Variants in PAPSS2 observed in about 807,000 individuals in gnomAD.
PAPSS2 encodes the protein 3'-phosphoadenosine 5'-phosphosulfate synthase 2.
In PAPSS2, 61 loss-of-function variants were observed where a neutral mutation model predicts 66.5. The ratio of observed to expected loss-of-function variants is 0.92; its 90% confidence interval spans 0.75 to 1.14. The LOEUF is 1.14. Among genes scored for constraint, PAPSS2 ranks in the 50% most tolerant of loss-of-function variants. The probability of loss-of-function intolerance (pLI) is 0.00; values close to 1 mark genes in which losing one functional copy is unlikely to be tolerated. For synonymous variants in PAPSS2, 289 were observed against 287.5 expected (o/e 1.01, Z -0.05); for missense variants, 708 against 789.6 (o/e 0.90, Z 1.24).
rs556603681 is a variant in PAPSS2, at chr10:87,685,130, T to C, written c.28-24066T>C. 5.9e-5 allele frequency among the ~76,000 whole-genome samples: 9 copies of C among 152,294 alleles called. No individual in the cohort carries two copies. The South Asian group carries it at 1.9e-3, about 32-fold the overall frequency. On this transcript the variant is annotated intron_variant, in intron 1 of 12. Transcript: ENST00000456849. ...GTCTGAATCCATGGGAAATCCTTTG[T>C]AGGCTCAAGCTGAGCCCCCCACTTC...
At chr10:87,695,973 G>C (rs1853229758) in intron 1 of PAPSS2, among the ~76,000 whole-genome samples, 2 of 152,258 alleles carry the variant, frequency 1.3e-5, no homozygotes, top group Non-Finnish European at 2.9e-5. Flanking sequence ...TGGCCTCACT[G>C]TCTTTCCACC....
chr10:87,667,229 G>A (rs183119113), intron 1 of PAPSS2, among the ~76,000 whole-genome samples: 97 of 152,008 alleles, frequency 6.4e-4, no homozygotes, highest in African/African-American at 2.1e-3. Flanking sequence ...TGAGGTGGGC[G>A]GATCACTTGA....
At chr10:87,714,672 T>C (rs1456838060) in intron 4 of PAPSS2, 73 bp from the exon 5 acceptor site, 1 of 900,286 alleles carries the variant, frequency 1.1e-6, no homozygotes, top group Admixed American at 1.7e-5. Context: ...TTCCAACATG[T>C]GTTTTGCCTT....
rs780396155 is a variant in PAPSS2, at chr10:87,743,374, T to C, written c.1224T>C (p.Asp408=). 3 of 1,613,594 alleles carry C rather than the reference T, an allele frequency of 1.9e-6. No individual in the cohort carries two copies. Among genetic ancestry groups the C allele is most frequent in the Non-Finnish European group, 2.5e-6 (3 of 1,179,992 alleles). Reference sequence around the variant, plus strand: ...CCTTCTTCTGCTTTCCTCTCCCAGATGCGGTGTTTGCATTCCAGTTGCGCA... The same window carrying C: ...CCTTCTTCTGCTTTCCTCTCCCAGACGCGGTGTTTGCATTCCAGTTGCGCA... ...LKQKCKEMNA[D]AVFAFQLRNP... Residue 408 remains aspartate (D), a splice_region_variant and synonymous_variant, in exon 11 of 13, where the codon GAT becomes GAC. Transcript: ENST00000456849.
chr10:87,706,363 T>C (rs1853389949), intron 1 of PAPSS2, among the ~76,000 whole-genome samples: 1 of 151,688 alleles, frequency 6.6e-6, no homozygotes, highest in Non-Finnish European at 1.5e-5. Flanking sequence ...AGACACAATG[T>C]TCTTGAACTT....
At chr10:87,720,172 C>T (rs1042121751) in intron 7 of PAPSS2, among the ~76,000 whole-genome samples, 4 of 152,176 alleles carry the variant, frequency 2.6e-5, no homozygotes, top group East Asian at 1.9e-4. Context: ...AGCCATGAGC[C>T]GCTGCACGCA....
At chr10:87,707,121 T>C (rs1409513566) in intron 1 of PAPSS2, among the ~76,000 whole-genome samples, 1 of 152,154 alleles carries the variant, frequency 6.6e-6, no homozygotes, top group Non-Finnish European at 1.5e-5. Flanking sequence ...TCTGTCTCAC[T>C]AGCAGGCCCA....
At chr10:87,710,188 G>A (rs2131932325) in intron 2 of PAPSS2, among the ~76,000 whole-genome samples, 1 of 152,286 alleles carries the variant, frequency 6.6e-6, no homozygotes, top group South Asian at 2.1e-4. Context: ...TGGCAGGTGG[G>A]GACCTGCCTT....
intron 1 of PAPSS2, among the ~76,000 whole-genome samples, chr10:87,696,976 T>C (rs1160943132): frequency 4.6e-5 from 7 of 152,240 alleles, no homozygotes; most frequent in Admixed American, 4.6e-4. Flanking sequence ...CAAATATACA[T>C]TGTCGTTAAC....
chr10:87,667,530 G>T (rs569576160), intron 1 of PAPSS2, among the ~76,000 whole-genome samples: 3 of 152,148 alleles, frequency 2.0e-5, no homozygotes, highest in African/African-American at 7.2e-5. Flanking sequence ...AAGAGCCACT[G>T]TATTAAAACT....
In PAPSS2 at chr10:87,747,091, A is replaced by G. The variant is rs1200490592; in HGVS notation, c.*1121A>G. On this transcript the variant is annotated 3_prime_UTR_variant, in exon 13 of 13. Transcript: ENST00000456849. ...GGGTCAGATTCCCCTCAGCTGCTTA[A>G]CAAAGTTCCTCGAACAGAAAGTGCT... The G allele has an allele frequency of 6.6e-6, 1 of 152,162 alleles. No homozygotes were observed. The highest frequency in any genetic ancestry group is 1.5e-5 in the Non-Finnish European group (1 of 68,040). The allele number at this position is 152,162 out of a possible 1,614,324, so 9.4% of individuals were successfully genotyped here.
At chr10:87,704,534 T>C (rs1373017225) in intron 1 of PAPSS2, among the ~76,000 whole-genome samples, 2 of 152,188 alleles carry the variant, frequency 1.3e-5, no homozygotes, top group African/African-American at 4.8e-5. Context: ...CTTAGTCTAG[T>C]ATGTTGGGAT....
At chr10:87,738,867 T>C (rs896754200) in intron 9 of PAPSS2, among the ~76,000 whole-genome samples, 1 of 152,236 alleles carries the variant, frequency 6.6e-6, no homozygotes, top group Admixed American at 6.5e-5. Context: ...GCCTATTTCT[T>C]AATTGGGTTA....
Position 87,722,646 on chromosome 10 carries a change from C to T in PAPSS2, c.880+876C>T, listed in dbSNP as rs116215237. On this transcript the variant is annotated intron_variant, in intron 8 of 12. Transcript: ENST00000456849. ...ATAATCAAGGCAGTGCCCACCAGAGCCAAATGAAGCACATGAAGGAAAAGG... is the reference window on the plus strand; with the variant it reads ...ATAATCAAGGCAGTGCCCACCAGAGTCAAATGAAGCACATGAAGGAAAAGG... Among the ~76,000 whole-genome samples, 416 of 152,194 alleles carry T rather than the reference C, an allele frequency of 2.7e-3. 1 individual carries two copies. Among genetic ancestry groups the T allele is most frequent in the African/African-American group, 9.9e-3 (409 of 41,520 alleles).
intron 1 of PAPSS2, among the ~76,000 whole-genome samples, chr10:87,689,850 T>C (rs1853147566): frequency 6.6e-6 from 1 of 151,978 alleles, no homozygotes; most frequent in African/African-American, 2.4e-5. Context: ...AGGTGTAAGG[T>C]GTACAATATA....
At chr10:87,672,253 G>A (rs1852887137) in intron 1 of PAPSS2, among the ~76,000 whole-genome samples, 1 of 152,172 alleles carries the variant, frequency 6.6e-6, no homozygotes, top group African/African-American at 2.4e-5. Context: ...GGGATATTGG[G>A]ATGATATTTG....
chr10:87,689,769 G>T lies in PAPSS2; in HGVS notation c.28-19427G>T, dbSNP rs566306734. Among the ~76,000 whole-genome samples the T allele has an allele frequency of 4.8e-5, 7 of 147,018 alleles. No individual in the cohort carries two copies. The East Asian group carries it at 1.4e-3, about 30-fold the overall frequency. On this transcript the variant is annotated intron_variant, in intron 1 of 12. Transcript: ENST00000456849. ...AAAGACCAATAATGGAATAGAACAA[G>T]GGGTAAAGAGTATGAATGAGAGTCC...
chr10:87,676,468 T>C (rs921376934), intron 1 of PAPSS2, among the ~76,000 whole-genome samples: 2 of 152,176 alleles, frequency 1.3e-5, no homozygotes, highest in African/African-American at 4.8e-5. Flanking sequence ...GGGAGAAATA[T>C]GTAAGTACCT....
At chr10:87,709,344 T>TAC (rs1310343152) in intron 2 of PAPSS2, 31 bp downstream of exon 2, 21 of 1,004,304 alleles carry the variant, frequency 2.1e-5, no homozygotes, top group Non-Finnish European at 3.1e-5. Context: ...TATATATATA[T>TAC]ACAAATTGCA....
Sources: allele counts gnomAD v4.1 joint callset (sites outside exome capture counted in the v4.1 genomes callset), GRCh38; gene constraint gnomAD v4.1.1; transcripts MANE v1.5; gene names NCBI Gene and HGNC (gene_info 2026-07-23, HGNC 2026-07-21).